Variants in NOL4 observed in about 807,000 individuals in gnomAD.
NOL4 encodes the protein nucleolar protein 4.
NOL4 carries 17 observed loss-of-function variants against 75.9 expected under a neutral mutation model. That is an observed-to-expected ratio of 0.22 (90% CI 0.15 to 0.34). NOL4 has a LOEUF of 0.34. Among genes scored for constraint, NOL4 ranks in the 10% least tolerant of loss-of-function variants. The pLI, the probability that NOL4 is intolerant of heterozygous loss-of-function variation, is 1.00. For synonymous variants in NOL4, 292 were observed against 289.9 expected, an observed-to-expected ratio of 1.01 and a Z score of -0.07; for missense variants, 614 against 793.5, an observed-to-expected ratio of 0.77 and a Z score of 2.72.
intron 5 of NOL4, among the ~76,000 whole-genome samples, chr18:34,061,066 AGT>A (rs761150658): frequency 6.6e-6 from 1 of 152,174 alleles, no homozygotes; most frequent in Non-Finnish European, 1.5e-5. Flanking sequence ...ACGCCCTAAG[AGT>A]GTGAGTTTTA....
At chr18:34,100,466 C>T (rs1426437879) in intron 4 of NOL4, among the ~76,000 whole-genome samples, 2 of 152,160 alleles carry the variant, frequency 1.3e-5, no homozygotes, top group Non-Finnish European at 2.9e-5. Flanking sequence ...CCATTGACTT[C>T]CACCAGGCTA....
intron 1 of NOL4, among the ~76,000 whole-genome samples, chr18:34,165,619 A>AAAATGAAT (rs2032233784): frequency 6.6e-6 from 1 of 152,158 alleles, no homozygotes; most frequent in Non-Finnish European, 1.5e-5. Context: ...GAAAGCTTTC[A>AAAATGAAT]CAATGAATAA....
chr18:34,130,026 A>C lies in NOL4; in HGVS notation c.265-6T>G. The C allele has an allele frequency of 6.5e-7, 1 of 1,532,176 alleles. No homozygotes were observed. The highest frequency in any genetic ancestry group is 8.8e-7 in the Non-Finnish European group (1 of 1,141,408). The allele number at this position is 1,532,176 out of a possible 1,614,324, so 94.9% of individuals were successfully genotyped here. A position where few individuals can be genotyped will look rare whatever the true frequency, so the allele number is the denominator to read the frequency against. Reference sequence around the variant, plus strand: ...TCATCTACCCCTACGCCATCCTGGAAACAAAACAACAACAACAAAAACCCA... The same window carrying C: ...TCATCTACCCCTACGCCATCCTGGACACAAAACAACAACAACAAAAACCCA... On this transcript the variant is annotated splice_region_variant and splice_polypyrimidine_tract_variant and intron_variant, in intron 1 of 10. Coordinates refer to ENST00000261592, the MANE Select transcript of NOL4 (RefSeq NM_003787.5).
chr18:33,984,971 T>C (rs948576205), intron 6 of NOL4, among the ~76,000 whole-genome samples: 1 of 152,114 alleles, frequency 6.6e-6, no homozygotes, highest in Admixed American at 6.6e-5. Context: ...TTCCCCCTTT[T>C]GTTATTTGTG....
chr18:34,035,491 A>G (rs2075846900), intron 5 of NOL4, among the ~76,000 whole-genome samples: 1 of 152,154 alleles, frequency 6.6e-6, no homozygotes, highest in Non-Finnish European at 1.5e-5. Flanking sequence ...TTATAGCAAT[A>G]AATGCCTACA....
At chr18:33,986,080 T>C (rs911129577) in intron 6 of NOL4, among the ~76,000 whole-genome samples, 5 of 152,076 alleles carry the variant, frequency 3.3e-5, no homozygotes, top group Non-Finnish European at 7.4e-5. Context: ...ATAAAATAAA[T>C]CAAGGAAGAA....
intron 1 of NOL4, among the ~76,000 whole-genome samples, chr18:34,144,031 G>A (rs2081299293): frequency 6.6e-6 from 1 of 152,042 alleles, no homozygotes; most frequent in African/African-American, 2.4e-5. Context: ...TGAACGTGAA[G>A]TTGAAAAGAG....
chr18:34,107,708 T>C (rs957271845), intron 2 of NOL4, among the ~76,000 whole-genome samples: 2 of 151,990 alleles, frequency 1.3e-5, no homozygotes, highest in African/African-American at 4.8e-5. Context: ...TTTTTCCCTA[T>C]TCAGAATCTT....
At chr18:34,175,704 T>C (rs1034279796) in intron 1 of NOL4, among the ~76,000 whole-genome samples, 1 of 152,112 alleles carries the variant, frequency 6.6e-6, no homozygotes, top group Non-Finnish European at 1.5e-5. Context: ...GTTCCAAGCA[T>C]TAAAGGAAAT....
chr18:34,080,625 T>C (rs907908022), intron 5 of NOL4, among the ~76,000 whole-genome samples: 1 of 152,178 alleles, frequency 6.6e-6, no homozygotes, highest in African/African-American at 2.4e-5. Context: ...TTGTACCACA[T>C]CCTTGTCCAT....
chr18:34,051,155 G>C (rs1012425920), intron 5 of NOL4, among the ~76,000 whole-genome samples: 2 of 151,978 alleles, frequency 1.3e-5, no homozygotes, highest in Admixed American at 6.6e-5. Flanking sequence ...CTTGAAGACA[G>C]GGACTAAATA....
At chr18:33,873,624 G>A (rs1347744126) in intron 10 of NOL4, among the ~76,000 whole-genome samples, 5 of 151,936 alleles carry the variant, frequency 3.3e-5, no homozygotes, top group Non-Finnish European at 7.4e-5. Context: ...ATGGTCAACT[G>A]GATTTAGTCA....
intron 5 of NOL4, among the ~76,000 whole-genome samples, chr18:34,038,600 T>C: frequency 6.6e-6 from 1 of 152,050 alleles, no homozygotes. Context: ...TGGGTGGAAC[T>C]GGAGGTCATT....
At chr18:34,042,998 G>C (rs1183500545) in intron 5 of NOL4, among the ~76,000 whole-genome samples, 7 of 152,050 alleles carry the variant, frequency 4.6e-5, no homozygotes, top group Admixed American at 2.0e-4. Context: ...TCCTTATAAG[G>C]AGAACAGGGG....
Position 34,182,743 on chromosome 18 carries a change from A to G in NOL4, c.264+40247T>C, listed in dbSNP as rs115073267. Among the ~76,000 whole-genome samples, 1,308 of 151,790 alleles carry G rather than the reference A, an allele frequency of 8.6e-3. 20 individuals are homozygous for G. Among genetic ancestry groups the G allele is most frequent in the African/African-American group, 0.03 (1,253 of 41,524 alleles). Reference sequence around the variant, plus strand: ...TTAAAAAAATTAAACTTCTTCTTTCATTTTTAAAAAATAATTGCATTAACT... The same window carrying G: ...TTAAAAAAATTAAACTTCTTCTTTCGTTTTTAAAAAATAATTGCATTAACT... On this transcript the variant is annotated intron_variant, in intron 1 of 10. Transcript: ENST00000261592.
chr18:34,172,603 T>C (rs1258004748), intron 1 of NOL4, among the ~76,000 whole-genome samples: 1 of 152,096 alleles, frequency 6.6e-6, no homozygotes, highest in Admixed American at 6.6e-5. Context: ...GAAACTATAC[T>C]GTTTTCCATA....
rs540877235 is a variant in NOL4 at position 34,027,014 on chromosome 18, TA to T, written c.773-7414del. 3.6e-4 allele frequency among the ~76,000 whole-genome samples: 55 copies of T among 152,294 alleles called. No individual in the cohort carries two copies. The South Asian group carries it at 0.011, about 31-fold the overall frequency. On this transcript the variant is annotated intron_variant, in intron 5 of 10. Transcript: ENST00000261592. ...TGTTATGTAGGGGAAGAAAATGAAT[TA>T]ATTTTAGATTTATGAGGAATTAATG... is the stretch of plus-strand genomic sequence containing the variant.
chr18:34,030,889 C>T (rs973824913), intron 5 of NOL4, among the ~76,000 whole-genome samples: 1 of 151,398 alleles, frequency 6.6e-6, no homozygotes, highest in Non-Finnish European at 1.5e-5. Context: ...TACTCTATTG[C>T]TTAAATTGAT....
intron 1 of NOL4, among the ~76,000 whole-genome samples, chr18:34,173,496 G>A (rs571305610): frequency 6.6e-4 from 100 of 151,944 alleles, no homozygotes; most frequent in Non-Finnish European, 6.6e-4. Context: ...ATATCAGATC[G>A]TCATGTTGTA....
Sources: gnomAD v4.1 joint callset for allele counts (sites outside exome capture counted in the v4.1 genomes callset) on GRCh38, gnomAD v4.1.1 for gene constraint, MANE v1.5 for transcripts, NCBI Gene and HGNC (gene_info 2026-07-23, HGNC 2026-07-21) for gene names.